PLEKHD1: variants seen among roughly 807,000 people sequenced by gnomAD.
PLEKHD1 encodes pleckstrin homology and coiled-coil domain containing D1, also known as pleckstrin homology domain-containing family D member 1.
PLEKHD1 carries 51 observed loss-of-function variants against 69.2 expected under a neutral mutation model. The observed-to-expected ratio is 0.74, with a 90% CI of 0.59 to 0.93. The LOEUF (loss-of-function observed/expected upper bound fraction) is 0.93, where lower values mean the gene tolerates loss of function less well. PLEKHD1 is among the 40% of genes least tolerant of loss of function. The pLI is 0.00. For missense variants in PLEKHD1, 584 were observed against 641.0 expected (o/e 0.91, Z 0.96); for synonymous variants, 236 against 244.7 (o/e 0.96, Z 0.33).
At chr14:69,508,135 G>A (rs1362828292) in intron 6 of PLEKHD1, among the ~76,000 whole-genome samples, 4 of 152,076 alleles carry the variant, frequency 2.6e-5, no homozygotes, top group South Asian at 2.1e-4. Flanking sequence ...TAGGCCGGGC[G>A]TGGTGGCTCA....
chr14:69,521,341 C>T (rs1429511646), intron 6 of PLEKHD1, among the ~76,000 whole-genome samples: 4 of 152,120 alleles, frequency 2.6e-5, no homozygotes, highest in South Asian at 2.1e-4. Context: ...CCTTCCTCTG[C>T]CTCATGTTTT....
intron 6 of PLEKHD1, among the ~76,000 whole-genome samples, chr14:69,516,134 T>G (rs768863490): frequency 2.0e-5 from 3 of 152,202 alleles, no homozygotes; most frequent in Non-Finnish European, 4.4e-5. Flanking sequence ...TTGTTCAGCT[T>G]TTTACTTATT....
At chr14:69,487,182 A>AACACACACACACACACAC (rs199671230) in intron 1 of PLEKHD1, among the ~76,000 whole-genome samples, 21 of 140,456 alleles carry the variant, frequency 1.5e-4, no homozygotes, top group South Asian at 4.7e-4. Context: ...GGGAATACAC[A>AACACACACACACACACAC]ACACACACAC....
the PLEKHD1 span, among the ~76,000 whole-genome samples, chr14:69,467,946 C>T: frequency 2.0e-5 from 3 of 152,312 alleles, no homozygotes; most frequent in Middle Eastern, 3.4e-3. Context: ...CATGGTGGAA[C>T]GATGTCTATC....
intron 11 of PLEKHD1, 131 bp from the exon 12 acceptor site, chr14:69,527,652 G>A: frequency 1.7e-6 from 2 of 1,206,426 alleles, no homozygotes; most frequent in Non-Finnish European, 2.3e-6. Flanking sequence ...TTCAGCAGGT[G>A]GCTCTGGAAT....
At chr14:69,483,940 CG>C (rs1004364495), upstream of PLEKHD1, among the ~76,000 whole-genome samples, 3 of 152,210 alleles carry the variant, frequency 2.0e-5, no homozygotes, top group African/African-American at 7.2e-5. Context: ...GGAGCGGAAG[CG>C]GATGGAACAG....
chr14:69,506,622 G>C (rs1298756799), intron 6 of PLEKHD1, among the ~76,000 whole-genome samples: 1 of 152,168 alleles, frequency 6.6e-6, no homozygotes, highest in Non-Finnish European at 1.5e-5. Flanking sequence ...AGCAAATACA[G>C]AGATTTTCCA....
chr14:69,469,409 CT>C, the PLEKHD1 span, among the ~76,000 whole-genome samples: 187 of 145,590 alleles, frequency 1.3e-3, no homozygotes, highest in Non-Finnish European at 1.2e-3. Flanking sequence ...AGTTGTTTCT[CT>C]TTTTTTTTTT....
the PLEKHD1 span, among the ~76,000 whole-genome samples, chr14:69,474,837 T>C: frequency 2.6e-5 from 4 of 152,206 alleles, no homozygotes; most frequent in Non-Finnish European, 5.9e-5. Flanking sequence ...TGCAGAGAGT[T>C]AGATGTCCTG....
chr14:69,507,020 T>C (rs372780126), intron 6 of PLEKHD1, among the ~76,000 whole-genome samples: 17 of 151,168 alleles, frequency 1.1e-4, no homozygotes, highest in African/African-American at 3.6e-4. Context: ...CTCCTGCCTC[T>C]GCCTCCTGAG....
At chr14:69,513,635 A>T (rs1045171851) in intron 6 of PLEKHD1, among the ~76,000 whole-genome samples, 1 of 152,214 alleles carries the variant, frequency 6.6e-6, no homozygotes, top group Non-Finnish European at 1.5e-5. Context: ...AAAAGTATGG[A>T]GTCCTTCTCA....
At chr14:69,505,912 G>A (rs573460814) in intron 6 of PLEKHD1, among the ~76,000 whole-genome samples, 4 of 152,298 alleles carry the variant, frequency 2.6e-5, no homozygotes, top group African/African-American at 9.6e-5. Context: ...TCTCACCCCT[G>A]GAGGAGGGCA....
chr14:69,477,251 GATGAGACTT>G, the PLEKHD1 span, among the ~76,000 whole-genome samples: 1 of 152,114 alleles, frequency 6.6e-6, no homozygotes, highest in African/African-American at 2.4e-5. Flanking sequence ...CATCAGATCT[GATGAGACTT>G]ATTCACTATC....
rs1299462647 is a variant in PLEKHD1 at position 69,485,128 on chromosome 14, C to T, written c.149+14C>T. 1.9e-6 allele frequency: 3 copies of T among 1,547,184 alleles called. No homozygotes were observed. Among genetic ancestry groups the T allele is most frequent in the Non-Finnish European group, 8.7e-7 (1 of 1,145,008 alleles). The stretch of plus-strand genomic sequence containing the variant: ...GTGGTCCCGGCGGTGAGTGCGCCCC[C>T]GCGCCCCAAGGAGACCGCCGGGGAG... On this transcript the variant is annotated intron_variant, in intron 1 of 12. Transcript: ENST00000322564.
the PLEKHD1 span, among the ~76,000 whole-genome samples, chr14:69,478,607 C>T: frequency 6.6e-6 from 1 of 152,160 alleles, no homozygotes; most frequent in East Asian, 1.9e-4. Context: ...GTTCAAAGTT[C>T]CACAAATCTC....
At chr14:69,471,088 G>GC in the PLEKHD1 span, among the ~76,000 whole-genome samples, 32 of 126,396 alleles carry the variant, frequency 2.5e-4, no homozygotes, top group Non-Finnish European at 4.2e-4. Context: ...ACCGTGCCTG[G>GC]CCTTTTTTTT....
intron 1 of PLEKHD1, among the ~76,000 whole-genome samples, chr14:69,485,999 G>T (rs1882647415): frequency 6.6e-6 from 1 of 152,264 alleles, no homozygotes. Context: ...CCAACTGGCT[G>T]CAGGTGCTGT....
At chr14:69,477,987 T>G in the PLEKHD1 span, among the ~76,000 whole-genome samples, 1 of 152,260 alleles carries the variant, frequency 6.6e-6, no homozygotes, top group Non-Finnish European at 1.5e-5. Context: ...CACATTTCCC[T>G]TCTGCACTGC....
chr14:69,491,335 C>T (rs761351212), intron 1 of PLEKHD1, among the ~76,000 whole-genome samples: 3 of 152,180 alleles, frequency 2.0e-5, no homozygotes, highest in Non-Finnish European at 2.9e-5. Context: ...TTGCAAACAT[C>T]TTCAAATTGA....
Sources: allele counts gnomAD v4.1 joint callset (sites outside exome capture counted in the v4.1 genomes callset), GRCh38; gene constraint gnomAD v4.1.1; transcripts MANE v1.5; gene names NCBI Gene and HGNC (gene_info 2026-07-23, HGNC 2026-07-21).